KLHL24: variants seen among roughly 807,000 people sequenced by gnomAD.
KLHL24 encodes the protein kelch like family member 24, also known as kelch-like protein 24.
In KLHL24, 29 loss-of-function variants were observed where a neutral mutation model predicts 53.4. The ratio of observed to expected loss-of-function variants is 0.54; its 90% CI spans 0.40 to 0.74. The LOEUF (loss-of-function observed/expected upper bound fraction) is 0.74, where lower values mean the gene tolerates loss of function less well. Ranked by LOEUF, KLHL24 falls within the 30% of genes least tolerant of loss-of-function variation. The pLI, the probability that KLHL24 is intolerant of heterozygous loss-of-function variation, is 0.00. For missense variants in KLHL24, 504 were observed against 744.0 expected, an observed-to-expected ratio of 0.68 and a Z score of 3.75; for synonymous variants, 222 against 253.7, an observed-to-expected ratio of 0.88 and a Z score of 1.19.
At chr3:183,654,758 A>G (rs905279839) in intron 3 of KLHL24, among the ~76,000 whole-genome samples, 1 of 152,290 alleles carries the variant, frequency 6.6e-6, no homozygotes, top group African/African-American at 2.4e-5. Context: ...TGACTTGTCA[A>G]TGGGGAAGTT....
At chr3:183,648,372 CAG>C (rs1043528616) in intron 2 of KLHL24, among the ~76,000 whole-genome samples, 1 of 152,142 alleles carries the variant, frequency 6.6e-6, no homozygotes, top group Admixed American at 6.5e-5. Context: ...TAATATGCGA[CAG>C]GGTACACAAA....
chr3:183,647,175 C>T (rs28594592), intron 2 of KLHL24, among the ~76,000 whole-genome samples: 47,424 of 150,160 alleles, frequency 0.32, 8,041 homozygotes, highest in East Asian at 0.47. Flanking sequence ...AATCCTAGCA[C>T]TTTGGGAGGA....
intron 5 of KLHL24, among the ~76,000 whole-genome samples, chr3:183,668,396 A>T (rs1720871798): frequency 6.6e-6 from 1 of 152,188 alleles, no homozygotes; most frequent in Non-Finnish European, 1.5e-5. Context: ...TAAATCAATA[A>T]AGAAAAGGAA....
chr3:183,678,067 A>G (rs1176451834), intron 7 of KLHL24, among the ~76,000 whole-genome samples: 1 of 152,262 alleles, frequency 6.6e-6, no homozygotes, highest in Non-Finnish European at 1.5e-5. Context: ...TGCTGGGATT[A>G]CAGGCATGAG....
At chr3:183,647,868 C>G (rs13058832) in intron 2 of KLHL24, among the ~76,000 whole-genome samples, 16 of 151,654 alleles carry the variant, frequency 1.1e-4, no homozygotes, top group Admixed American at 2.0e-4. Flanking sequence ...TAGCCAGGCG[C>G]GGTGGCATGC....
intron 3 of KLHL24, among the ~76,000 whole-genome samples, chr3:183,655,158 A>G (rs1718669695): frequency 6.6e-6 from 1 of 152,238 alleles, no homozygotes; most frequent in African/African-American, 2.4e-5. Flanking sequence ...CTTAAATGAC[A>G]GAGAAATCCC....
chr3:183,649,117 G>A (rs1378498190), intron 2 of KLHL24, among the ~76,000 whole-genome samples: 1 of 152,142 alleles, frequency 6.6e-6, no homozygotes, highest in African/African-American at 2.4e-5. Flanking sequence ...TCTTATTAGT[G>A]AAAGGGAACA....
chr3:183,637,665 G>C (rs750876011), intron 1 of KLHL24, among the ~76,000 whole-genome samples: 1 of 152,048 alleles, frequency 6.6e-6, no homozygotes, highest in Non-Finnish European at 1.5e-5. Context: ...TTTGAGACAG[G>C]GTCTCACATT....
intron 7 of KLHL24, among the ~76,000 whole-genome samples, chr3:183,673,917 C>T (rs987288670): frequency 6.6e-6 from 1 of 152,170 alleles, no homozygotes; most frequent in Non-Finnish European, 1.5e-5. Context: ...TCCTGTGTTC[C>T]AAACTCAAAT....
intron 7 of KLHL24, among the ~76,000 whole-genome samples, chr3:183,674,357 CCTTT>C (rs368167707): frequency 1.9e-4 from 28 of 148,644 alleles, no homozygotes; most frequent in East Asian, 4.0e-4. Context: ...TTCCTTCCTT[CCTTT>C]CTTTCTTTCT....
rs568223761 is a variant in KLHL24, at chr3:183,682,960, G to A, written c.*3674G>A. 7 of 150,786 alleles carry A rather than the reference G, an allele frequency of 4.6e-5. No individual in the cohort carries two copies. Among genetic ancestry groups the A allele is most frequent in the Admixed American group, 2.0e-4 (3 of 15,106 alleles). 9.3% of individuals were successfully genotyped at this position (150,786 alleles called of 1,614,324 possible). On this transcript the variant is annotated 3_prime_UTR_variant, in exon 8 of 8. Coordinates refer to ENST00000242810, the MANE Select transcript of KLHL24 (RefSeq NM_017644.3). ...TCGTTTTTTTTTTTTTTTGGGGAAG[G>A]GGGGAGAACGGGGTCTTGCTCTGTC...
Position 183,672,372 on chromosome 3 carries a change from C to G in KLHL24, c.1490C>G (p.Ala497Gly). 6.2e-7 allele frequency: 1 copy of G among 1,613,200 alleles called. No homozygotes were observed. The highest frequency in any genetic ancestry group is 8.5e-7 in the Non-Finnish European group (1 of 1,179,438). ...CCAATTGCCAAAAGGTGTATAACAG[C>G]TGTATCCCTAAACAACCTGATCTAT... ...AIPIAKRCIT[A>G]VSLNNLIYVA... Residue 497 changes from alanine (A) to glycine (G), a missense_variant, in exon 7 of 8, where the codon GCT (alanine) becomes GGT (glycine). By Grantham distance (60) the Ala-to-Gly change is moderately conservative. Transcript: ENST00000242810.
chr3:183,652,145 C>A (rs568783648), intron 3 of KLHL24, among the ~76,000 whole-genome samples: 2 of 152,154 alleles, frequency 1.3e-5, no homozygotes, highest in African/African-American at 4.8e-5. Context: ...AATCTTTTTT[C>A]TGAATGTGAA....
At chr3:183,670,844 T>G (rs1209072544) in intron 5 of KLHL24, among the ~76,000 whole-genome samples, 190 bp from the exon 6 acceptor site, 1 of 152,188 alleles carries the variant, frequency 6.6e-6, no homozygotes, top group Admixed American at 6.5e-5. Context: ...CTAAAAAGGC[T>G]CCGTGGATTG....
At chr3:183,665,818 A>G (rs1037314881) in intron 5 of KLHL24, among the ~76,000 whole-genome samples, 7 of 152,092 alleles carry the variant, frequency 4.6e-5, no homozygotes, top group African/African-American at 1.7e-4. Context: ...GCAGCTAATG[A>G]TTATTATAAA....
Position 183,681,135 on chromosome 3 carries a change from AT to A in KLHL24, c.*1853del, listed in dbSNP as rs1712632302. ...TGTGATAACAACAATTCAGAAAACA[AT>A]TTTCTATCCTCTTAGTTGAAAGAAT... On this transcript the variant is annotated 3_prime_UTR_variant, in exon 8 of 8. Transcript: ENST00000242810. 6.6e-6 allele frequency: 1 copy of A among 152,120 alleles called. No individual in the cohort carries two copies. Among genetic ancestry groups the A allele is most frequent in the African/African-American group, 2.4e-5 (1 of 41,456 alleles). 9.4% of individuals were successfully genotyped at this position (152,120 alleles called of 1,614,324 possible).
chr3:183,653,173 A>G (rs1718368200), intron 3 of KLHL24, among the ~76,000 whole-genome samples: 1 of 152,262 alleles, frequency 6.6e-6, no homozygotes, highest in Non-Finnish European at 1.5e-5. Context: ...AGAGACAAGT[A>G]TAAAAACCAA....
rs1416745810 is a variant in KLHL24 at position 183,679,273 on chromosome 3, G to T, written c.1790G>T (p.Cys597Phe). Residue 597 changes from cysteine (C) to phenylalanine (F), a missense_variant, in exon 8 of 8, where the codon TGC becomes TTC. Transcript: ENST00000242810. ...CVTIHRYNEK[C>F]FKL ...ACTATTCATAGATACAATGAGAAAT[G>T]CTTTAAACTCTGAAGACAGGATACC... 6.2e-7 allele frequency: 1 copy of T among 1,613,650 alleles called. No individual in the cohort carries two copies. The highest frequency in any genetic ancestry group is 1.7e-5 in the Admixed American group (1 of 60,012).
intron 2 of KLHL24, among the ~76,000 whole-genome samples, chr3:183,646,328 C>A (rs13083459): frequency 0.34 from 47,237 of 140,428 alleles, 8,569 homozygotes; most frequent in African/African-American, 0.49. Context: ...TGCCACTGCA[C>A]TCCAGCCTGG....
Sources: allele counts gnomAD v4.1 joint callset (sites outside exome capture counted in the v4.1 genomes callset), GRCh38; gene constraint gnomAD v4.1.1; transcripts MANE v1.5; gene names NCBI Gene and HGNC (gene_info 2026-07-23, HGNC 2026-07-21).